PRAG1: variants seen among roughly 807,000 people sequenced by gnomAD.
PRAG1 encodes inactive tyrosine-protein kinase PRAG1.
PRAG1 carries 110 observed loss-of-function variants against 95.6 expected under a neutral mutation model. That is an observed-to-expected ratio of 1.15 (90% CI 0.99 to 1.35). The LOEUF is 1.35. PRAG1 is among the 40% of genes most tolerant of loss of function. The pLI is 0.00. For synonymous variants in PRAG1, 1,052 were observed against 819.4 expected, an observed-to-expected ratio of 1.28 and a Z score of -4.85; for missense variants, 2,554 against 1,864.7, an observed-to-expected ratio of 1.37 and a Z score of -6.81.
chr8:8,324,492 C>G (rs1290933803), intron 5 of PRAG1, among the ~76,000 whole-genome samples: 2 of 148,830 alleles, frequency 1.3e-5, no homozygotes. Flanking sequence ...AGGCCCGCGC[C>G]GGAGATCATT....
At chr8:8,336,915 TC>T (rs956360550) in intron 4 of PRAG1, among the ~76,000 whole-genome samples, 935 of 24,636 alleles carry the variant, frequency 0.038, 31 homozygotes, top group Admixed American at 0.058. Context: ...CTTTCCCCCC[TC>T]CCCCCACCTC....
intron 1 of PRAG1, among the ~76,000 whole-genome samples, chr8:8,384,978 C>T (rs1452234067): frequency 6.6e-6 from 1 of 152,216 alleles, no homozygotes; most frequent in East Asian, 1.9e-4. Flanking sequence ...AAGACTGAAG[C>T]TGTCAGATAC....
At chr8:8,319,476 G>C (rs919679740) in intron 5 of PRAG1, among the ~76,000 whole-genome samples, 174 bp from the exon 6 acceptor site, 15 of 152,146 alleles carry the variant, frequency 9.9e-5, no homozygotes, top group Admixed American at 6.5e-5. Flanking sequence ...TGAGGCCTTG[G>C]GTTGGGCAAA....
intron 3 of PRAG1, among the ~76,000 whole-genome samples, chr8:8,366,276 A>G (rs1800002214): frequency 6.6e-6 from 1 of 151,712 alleles, no homozygotes; most frequent in African/African-American, 2.4e-5. Flanking sequence ...AGAAGTGGCT[A>G]GACAGAGTCC....
Position 8,318,519 on chromosome 8 carries a change from C to T in PRAG1, c.3856G>A (p.Asp1286Asn). The change falls in exon 6 of 6, where the codon GAC becomes AAC. Residue 1286 changes from aspartate to asparagine, a missense_variant. Asp to Asn is a conservative substitution (Grantham distance 23). Coordinates refer to ENST00000615670, the MANE Select transcript of PRAG1 (RefSeq NM_001080826.3). This position sits in a 1 kb window ranked among gnomAD's most constrained non-coding sequence, Gnocchi z 4.2. ...QLRERDYRQE[D>N]LPPLPALSLY... ...GACAGCGCGGGCAGCGGCGGCAGGT[C>T]CTCCTGCCGGTAGTCTCTCTCCCGC... is the stretch of plus-strand genomic sequence containing the variant. The T allele has an allele frequency of 6.2e-7, 1 of 1,612,192 alleles. No homozygotes were observed. Among genetic ancestry groups the T allele is most frequent in the East Asian group, 2.2e-5 (1 of 44,846 alleles).
chr8:8,337,601 G>A (rs938256588), intron 4 of PRAG1, among the ~76,000 whole-genome samples: 2 of 152,184 alleles, frequency 1.3e-5, no homozygotes, highest in African/African-American at 4.8e-5. Flanking sequence ...TTGGCTCTCA[G>A]GGGCTAGAGT....
At chr8:8,369,775 G>C (rs374666762) in intron 3 of PRAG1, among the ~76,000 whole-genome samples, 1 of 151,640 alleles carries the variant, frequency 6.6e-6, no homozygotes, top group East Asian at 1.9e-4. Context: ...TTAAGGGAGA[G>C]GACTATAAGG....
At chr8:8,369,717 A>G (rs1321176701) in intron 3 of PRAG1, among the ~76,000 whole-genome samples, 1 of 128,608 alleles carries the variant, frequency 7.8e-6, no homozygotes, top group Admixed American at 8.1e-5. Flanking sequence ...TTTTTTTTTT[A>G]CAAGCTTGTA....
chr8:8,381,691 G>T lies in PRAG1; in HGVS notation c.57C>A (p.Asp19Glu). ...PESLKMSACS[D>E]FVEHIWKPGS... Reference sequence around the variant, plus strand: ...CGGGTTTCCAGATGTGCTCCACAAAGTCACTGCACGCAGACATTTTCAGGC... The same window carrying T: ...CGGGTTTCCAGATGTGCTCCACAAATTCACTGCACGCAGACATTTTCAGGC... Residue 19 changes from aspartate to glutamate, a missense_variant, in exon 2 of 6, where the codon GAC (aspartate) becomes GAA (glutamate). Physicochemically the swap from Asp to Glu is conservative, Grantham distance 45. Coordinates refer to ENST00000615670, the MANE Select transcript of PRAG1 (RefSeq NM_001080826.3). The T allele has an allele frequency of 6.2e-7, 1 of 1,611,804 alleles. No homozygotes were observed. Among genetic ancestry groups the T allele is most frequent in the Non-Finnish European group, 8.5e-7 (1 of 1,178,250 alleles).
At position 8,339,575 on chromosome 8, in the gene PRAG1, T is replaced by C; in HGVS notation, c.2223A>G (p.Ala741=). 2.5e-6 allele frequency: 4 copies of C among 1,614,206 alleles called. No homozygotes were observed. The highest frequency in any genetic ancestry group is 2.2e-5 in the East Asian group (1 of 44,884). Residue 741 remains alanine, a synonymous_variant, in exon 4 of 6, where the codon GCA becomes GCG. Coordinates refer to ENST00000615670, the MANE Select transcript of PRAG1 (RefSeq NM_001080826.3). ...SDLEKVSQGS[A]ESLSPSFRGV... is the part of the protein sequence containing the mutation. ...CCCTGAAGGATGGGCTGAGGCTTTCTGCAGAGCCCTGGCTCACTTTTTCCA... is the reference window on the plus strand; with the variant it reads ...CCCTGAAGGATGGGCTGAGGCTTTCCGCAGAGCCCTGGCTCACTTTTTCCA...
intron 3 of PRAG1, among the ~76,000 whole-genome samples, chr8:8,375,556 C>T (rs970564701): frequency 1.3e-5 from 2 of 152,114 alleles, no homozygotes; most frequent in African/African-American, 4.8e-5. Context: ...GTAAAACTTC[C>T]TCTTTTCTGC....
intron 3 of PRAG1, among the ~76,000 whole-genome samples, chr8:8,370,204 C>A (rs1388155732): frequency 6.6e-6 from 1 of 152,236 alleles, no homozygotes; most frequent in Non-Finnish European, 1.5e-5. Context: ...TCAATGGTCC[C>A]TGCTTACAGC....
intron 3 of PRAG1, among the ~76,000 whole-genome samples, chr8:8,347,137 A>C (rs1463815579): frequency 2.0e-5 from 3 of 152,238 alleles, no homozygotes; most frequent in Non-Finnish European, 4.4e-5. Context: ...AATTGTCTCA[A>C]AGACTGAGAA....
In PRAG1 at chr8:8,327,796, A is replaced by G. The variant is rs751785660; in HGVS notation, c.2986T>C (p.Cys996Arg). ...ENNWSLFKLT[C>R]NKPCCDSGDA... ...CCCGAGTCACAGCAGGGCTTGTTAC[A>G]AGTCAGCTTGAAGAGCGACCAGTTA... The change falls in exon 5 of 6, where the codon TGT becomes CGT. Residue 996 changes from cysteine (C) to arginine (R), a missense_variant. Cys to Arg is a radical substitution (Grantham distance 180). Coordinates refer to ENST00000615670, the MANE Select transcript of PRAG1 (RefSeq NM_001080826.3). 1 of 1,614,206 alleles carries G rather than the reference A, an allele frequency of 6.2e-7. No homozygotes were observed. Among genetic ancestry groups the G allele is most frequent in the Non-Finnish European group, 8.5e-7 (1 of 1,180,040 alleles).
At chr8:8,366,252 G>A (rs569761789) in intron 3 of PRAG1, among the ~76,000 whole-genome samples, 190 of 151,400 alleles carry the variant, frequency 1.3e-3, no homozygotes, top group Non-Finnish European at 1.9e-3. Flanking sequence ...GAGAATGGCC[G>A]TCATCTGCCA....
At chr8:8,358,874 T>C (rs1247004757) in intron 3 of PRAG1, among the ~76,000 whole-genome samples, 3 of 152,132 alleles carry the variant, frequency 2.0e-5, no homozygotes, top group African/African-American at 7.2e-5. Context: ...AAGACAGTGC[T>C]AAACAAAGGA....
chr8:8,357,363 C>A (rs981677613), intron 3 of PRAG1, among the ~76,000 whole-genome samples: 1 of 152,102 alleles, frequency 6.6e-6, no homozygotes, highest in African/African-American at 2.4e-5. Flanking sequence ...CAATTAAAAA[C>A]TGGTCAAAGA....
intron 5 of PRAG1, among the ~76,000 whole-genome samples, chr8:8,323,134 G>C (rs183826692): frequency 6.6e-6 from 1 of 152,128 alleles, no homozygotes; most frequent in African/African-American, 2.4e-5. Context: ...GGAGACTGTC[G>C]CCTCATTCCC....
chr8:8,370,802 T>C (rs934220782), intron 3 of PRAG1, among the ~76,000 whole-genome samples: 5 of 152,116 alleles, frequency 3.3e-5, no homozygotes, highest in African/African-American at 7.2e-5. Flanking sequence ...CGAACTCCAC[T>C]CATGACACTG....
Sources: allele counts gnomAD v4.1 joint callset (sites outside exome capture counted in the v4.1 genomes callset), GRCh38; gene constraint gnomAD v4.1.1; non-coding constraint Gnocchi (gnomAD v3.1); transcripts MANE v1.5; gene names NCBI Gene and HGNC (gene_info 2026-07-23, HGNC 2026-07-21).